PTPRD: variants seen among roughly 807,000 people sequenced by gnomAD.
The protein encoded by PTPRD is protein tyrosine phosphatase receptor type D.
Under a neutral mutation model 214.5 loss-of-function variants are expected in PTPRD, and 34 were observed. The ratio of observed to expected loss-of-function variants is 0.16; its 90% CI spans 0.12 to 0.21. PTPRD has a LOEUF of 0.21. Among genes scored for constraint, PTPRD ranks in the 10% least tolerant of loss-of-function variants. The pLI is 1.00. For missense variants in PTPRD, 2,545 were observed against 2,398.7 expected, an observed-to-expected ratio of 1.06 and a Z score of -1.27; for synonymous variants, 1,128 against 845.7, an observed-to-expected ratio of 1.33 and a Z score of -5.79.
intron 3 of PTPRD, among the ~76,000 whole-genome samples, chr9:10,054,576 G>GTCTT (rs1003941105): frequency 3.9e-5 from 6 of 152,060 alleles, no homozygotes; most frequent in African/African-American, 1.4e-4. Context: ...ACCCAGAAAG[G>GTCTT]TCTTTTTCAA....
intron 14 of PTPRD, among the ~76,000 whole-genome samples, chr9:8,543,858 C>A (rs1026078389): frequency 2.0e-5 from 3 of 151,860 alleles, no homozygotes; most frequent in South Asian, 4.2e-4. Flanking sequence ...ACTACAGCTG[C>A]GTGCCACAAC....
chr9:10,210,158 T>C (rs1358388879), intron 3 of PTPRD, among the ~76,000 whole-genome samples: 3 of 152,200 alleles, frequency 2.0e-5, no homozygotes. Context: ...TTATGCCAGC[T>C]ATTAAAATAC....
intron 3 of PTPRD, among the ~76,000 whole-genome samples, chr9:10,192,944 T>G (rs960211127): frequency 2.6e-5 from 4 of 152,172 alleles, no homozygotes; most frequent in Admixed American, 1.3e-4. Flanking sequence ...GCTCTATGAA[T>G]TGAGTTCCAA....
chr9:8,587,077 G>A (rs989819566), intron 14 of PTPRD, among the ~76,000 whole-genome samples: 1 of 151,718 alleles, frequency 6.6e-6, no homozygotes, highest in African/African-American at 2.4e-5. Flanking sequence ...GTGAGTCCAG[G>A]AGGCAGAGCT....
chr9:9,573,892 A>C (rs1235767802), intron 8 of PTPRD, among the ~76,000 whole-genome samples: 4 of 151,864 alleles, frequency 2.6e-5, no homozygotes, highest in South Asian at 4.1e-4. Flanking sequence ...TTTTCAAGAT[A>C]CATTGCAATA....
chr9:8,809,027 A>G lies in PTPRD; in HGVS notation c.-103-75081T>C, dbSNP rs569883776. ...CAAAAGAACGGAAGGAAAGTCAGAG[A>G]CCACTGTCCAGTGAAACTAACTAAG... On this transcript the variant is annotated intron_variant, in intron 11 of 45. Coordinates refer to ENST00000381196, the MANE Select transcript of PTPRD (RefSeq NM_002839.4). Among the ~76,000 whole-genome samples, 14 of 152,238 alleles carry G rather than the reference A, an allele frequency of 9.2e-5. No homozygotes were observed. The South Asian group carries it at 2.9e-3, about 32-fold the overall frequency.
chr9:10,160,221 A>T (rs1418591058), intron 3 of PTPRD, among the ~76,000 whole-genome samples: 2 of 152,068 alleles, frequency 1.3e-5, no homozygotes, highest in Non-Finnish European at 2.9e-5. Flanking sequence ...AGACTATTAC[A>T]AACAGGTATA....
intron 3 of PTPRD, among the ~76,000 whole-genome samples, chr9:10,269,638 G>C (rs976177963): frequency 2.6e-5 from 4 of 152,030 alleles, no homozygotes; most frequent in African/African-American, 7.2e-5. Flanking sequence ...GTACCTTCCA[G>C]AGTGCTGTCT....
At chr9:8,865,686 CA>C (rs1021004906) in intron 11 of PTPRD, among the ~76,000 whole-genome samples, 26 of 152,082 alleles carry the variant, frequency 1.7e-4, no homozygotes, top group African/African-American at 6.0e-4. Context: ...AAGCAGATCT[CA>C]AAAAAGGTCT....
At chr9:8,934,200 G>C (rs1168405914) in intron 11 of PTPRD, among the ~76,000 whole-genome samples, 1 of 151,014 alleles carries the variant, frequency 6.6e-6, no homozygotes, top group African/African-American at 2.4e-5. Flanking sequence ...TGGAAAAAAA[G>C]AATGGAAAGA....
chr9:8,475,087 C>T (rs1007436884), intron 30 of PTPRD, among the ~76,000 whole-genome samples: 1 of 152,126 alleles, frequency 6.6e-6, no homozygotes, highest in Non-Finnish European at 1.5e-5. Flanking sequence ...TGCCAAAATT[C>T]TGCAAATAGC....
chr9:9,955,727 G>C lies in PTPRD; in HGVS notation c.-471-17117C>G, dbSNP rs1338097797. Among the ~76,000 whole-genome samples, 3 of 152,114 alleles carry C rather than the reference G, an allele frequency of 2.0e-5. No individual in the cohort carries two copies. In the East Asian group the frequency reaches 5.8e-4, roughly 29 times the overall value. ...TTTAGTAGAGACAGGGTTTCACCGTGTTAGCCAGGATGGTCTCGATCTCCT... is the reference window on the plus strand; with the variant it reads ...TTTAGTAGAGACAGGGTTTCACCGTCTTAGCCAGGATGGTCTCGATCTCCT... On this transcript the variant is annotated intron_variant, in intron 4 of 45. Coordinates refer to ENST00000381196, the MANE Select transcript of PTPRD (RefSeq NM_002839.4).
At chr9:10,317,573 C>T (rs1376221421) in intron 3 of PTPRD, among the ~76,000 whole-genome samples, 4 of 151,920 alleles carry the variant, frequency 2.6e-5, no homozygotes, top group Non-Finnish European at 5.9e-5. Context: ...TGCAACTAAA[C>T]TTTACTGGAA....
intron 4 of PTPRD, among the ~76,000 whole-genome samples, chr9:9,979,198 G>T (rs977140241): frequency 5.6e-4 from 85 of 152,076 alleles, no homozygotes; most frequent in African/African-American, 2.0e-3. Context: ...AAGAAAGAGT[G>T]TCAAAAATGG....
At chr9:10,057,108 G>T (rs906272657) in intron 3 of PTPRD, among the ~76,000 whole-genome samples, 4 of 152,024 alleles carry the variant, frequency 2.6e-5, no homozygotes, top group Non-Finnish European at 5.9e-5. Flanking sequence ...ATCTAACCTT[G>T]GATGGTTCTC....
chr9:8,989,788 G>A (rs769512731), intron 11 of PTPRD, among the ~76,000 whole-genome samples: 1 of 152,022 alleles, frequency 6.6e-6, no homozygotes, highest in Non-Finnish European at 1.5e-5. Flanking sequence ...GATAGATAAC[G>A]TGCTCCTAAG....
chr9:8,602,625 A>G (rs959506582), intron 14 of PTPRD, among the ~76,000 whole-genome samples: 1 of 152,234 alleles, frequency 6.6e-6, no homozygotes, highest in Non-Finnish European at 1.5e-5. Context: ...ATCTCTTTGT[A>G]ATAGTCTCAT....
At chr9:9,577,664 T>C (rs972563909) in intron 7 of PTPRD, among the ~76,000 whole-genome samples, 4 of 152,170 alleles carry the variant, frequency 2.6e-5, no homozygotes, top group Non-Finnish European at 4.4e-5. Flanking sequence ...TGACCAGTTA[T>C]TAAACTGTCA....
chr9:8,979,922 T>C (rs550164064), intron 11 of PTPRD, among the ~76,000 whole-genome samples: 1 of 152,104 alleles, frequency 6.6e-6, no homozygotes, highest in South Asian at 2.1e-4. Flanking sequence ...CCATGTTCAC[T>C]GCAGTAATAT....
Sources: allele counts gnomAD v4.1 joint callset (sites outside exome capture counted in the v4.1 genomes callset), GRCh38; gene constraint gnomAD v4.1.1; transcripts MANE v1.5; gene names NCBI Gene and HGNC (gene_info 2026-07-23, HGNC 2026-07-21).